Variants in ACOXL observed in about 807,000 individuals in gnomAD.
ACOXL encodes acyl-CoA oxidase like, also known as acyl-coenzyme A oxidase-like protein.
ACOXL carries 70 observed loss-of-function variants against 71.9 expected under a neutral mutation model. The observed-to-expected ratio is 0.97, with a 90% CI of 0.80 to 1.19. The LOEUF (loss-of-function observed/expected upper bound fraction) is 1.19, where lower values mean the gene tolerates loss of function less well. ACOXL is among the 50% of genes most tolerant of loss of function. The pLI is 0.00. For missense variants in ACOXL, 703 were observed against 736.3 expected (o/e 0.95, Z 0.52); for synonymous variants, 253 against 281.6 (o/e 0.90, Z 1.02).
chr2:111,068,226 A>AG (rs2149913493), intron 16 of ACOXL, among the ~76,000 whole-genome samples: 1 of 152,322 alleles, frequency 6.6e-6, no homozygotes, highest in Admixed American at 6.5e-5. Flanking sequence ...GCTGAGGAAC[A>AG]GCATGTGCAG....
At chr2:111,057,044 C>T (rs752650277) in intron 16 of ACOXL, among the ~76,000 whole-genome samples, 1 of 152,132 alleles carries the variant, frequency 6.6e-6, no homozygotes, top group Non-Finnish European at 1.5e-5. Context: ...GGGCTAAGTG[C>T]CGAGAGCAAA....
At chr2:110,782,356 A>G (rs1420935023) in intron 2 of ACOXL, among the ~76,000 whole-genome samples, 2 of 152,238 alleles carry the variant, frequency 1.3e-5, no homozygotes, top group African/African-American at 4.8e-5. Context: ...TAAAATAAGA[A>G]TTGAAGAAGA....
chr2:110,886,844 GGA>G (rs1697357673), intron 10 of ACOXL: 2 of 1,550,760 alleles, frequency 1.3e-6, no homozygotes, highest in Non-Finnish European at 1.7e-6. Context: ...CCCCTCTTGT[GGA>G]CCAGGCTAAT....
At chr2:111,109,023 T>A (rs556991470) in intron 17 of ACOXL, among the ~76,000 whole-genome samples, 1 of 152,336 alleles carries the variant, frequency 6.6e-6, no homozygotes, top group Non-Finnish European at 1.5e-5. Flanking sequence ...TCCTCCCAAA[T>A]GCTCATCTCT....
intron 13 of ACOXL, among the ~76,000 whole-genome samples, chr2:110,989,864 A>G (rs13014877): frequency 0.014 from 2,072 of 152,192 alleles, 19 homozygotes; most frequent in South Asian, 0.023. Context: ...AACATGGTGA[A>G]ACCCCGTCTC....
intron 10 of ACOXL, among the ~76,000 whole-genome samples, chr2:110,855,733 G>A (rs1377343351): frequency 2.0e-5 from 3 of 152,198 alleles, no homozygotes; most frequent in Non-Finnish European, 2.9e-5. Flanking sequence ...TGTGTCCGGA[G>A]TTGGTTTCTG....
At chr2:110,931,736 A>G (rs1312426904) in intron 11 of ACOXL, among the ~76,000 whole-genome samples, 1 of 152,224 alleles carries the variant, frequency 6.6e-6, no homozygotes, top group Non-Finnish European at 1.5e-5. Flanking sequence ...CATTACATAT[A>G]CACTAGAATG....
chr2:110,949,730 C>A (rs1178359302), intron 12 of ACOXL, among the ~76,000 whole-genome samples: 4 of 152,134 alleles, frequency 2.6e-5, no homozygotes, highest in African/African-American at 9.7e-5. Flanking sequence ...TAGATGCTGC[C>A]ACCTTTAATC....
intron 1 of ACOXL, among the ~76,000 whole-genome samples, chr2:110,761,064 A>G (rs1680339371): frequency 6.6e-6 from 1 of 152,098 alleles, no homozygotes; most frequent in African/African-American, 2.4e-5. Flanking sequence ...GTTCCTTTCC[A>G]ATTTTGATTT....
At chr2:110,912,277 T>A (rs182190111) in intron 11 of ACOXL, among the ~76,000 whole-genome samples, 9 of 152,122 alleles carry the variant, frequency 5.9e-5, no homozygotes, top group African/African-American at 1.7e-4. Context: ...GATCCTAAAA[T>A]TTATGGAAAT....
chr2:111,063,234 C>G (rs2066903387), intron 16 of ACOXL, among the ~76,000 whole-genome samples: 1 of 152,068 alleles, frequency 6.6e-6, no homozygotes, highest in Non-Finnish European at 1.5e-5. Context: ...ACAATATTTT[C>G]CATAATGTAG....
intron 16 of ACOXL, among the ~76,000 whole-genome samples, chr2:111,075,880 T>G (rs2067576342): frequency 6.6e-6 from 1 of 152,176 alleles, no homozygotes; most frequent in African/African-American, 2.4e-5. Flanking sequence ...GAATTTGTCC[T>G]GTTCTCTTTA....
intron 9 of ACOXL, among the ~76,000 whole-genome samples, chr2:110,818,067 C>T (rs954521904): frequency 4.0e-5 from 6 of 151,024 alleles, no homozygotes; most frequent in East Asian, 2.0e-4. Context: ...AAGATAATTC[C>T]GAGCATCAAA....
intron 9 of ACOXL, among the ~76,000 whole-genome samples, chr2:110,817,443 A>C (rs894295720): frequency 6.6e-6 from 1 of 152,166 alleles, no homozygotes; most frequent in African/African-American, 2.4e-5. Context: ...CTTGCGAAAG[A>C]CCCTTCATCT....
chr2:110,849,642 C>T lies in ACOXL; in HGVS notation c.788+8237C>T, dbSNP rs1692356760. 3.3e-5 allele frequency among the ~76,000 whole-genome samples: 5 copies of T among 152,226 alleles called. No individual in the cohort carries two copies. In the South Asian group the frequency reaches 1.0e-3, roughly 32 times the overall value. Reference sequence around the variant, plus strand: ...GCGTGGTGGCACGTGCTTGTAATCCCAGCTACTCAAGAGGCTGAGGCAGGA... The same window carrying T: ...GCGTGGTGGCACGTGCTTGTAATCCTAGCTACTCAAGAGGCTGAGGCAGGA... On this transcript the variant is annotated intron_variant, in intron 10 of 17. Transcript: ENST00000439055.
At chr2:110,960,230 C>G (rs551295969) in intron 12 of ACOXL, among the ~76,000 whole-genome samples, 1 of 152,286 alleles carries the variant, frequency 6.6e-6, no homozygotes, top group South Asian at 2.1e-4. Context: ...TGAACCCAAG[C>G]AAGGTTCAGG....
At chr2:111,029,031 C>T (rs1201688242) in intron 14 of ACOXL, among the ~76,000 whole-genome samples, 1 of 152,182 alleles carries the variant, frequency 6.6e-6, no homozygotes. Context: ...TTCTGTGTTG[C>T]AATTTCCTAC....
intron 1 of ACOXL, among the ~76,000 whole-genome samples, chr2:110,761,292 C>T (rs1317860505): frequency 1.3e-5 from 2 of 152,072 alleles, no homozygotes; most frequent in Non-Finnish European, 2.9e-5. Context: ...GTAGCAATTG[C>T]TGTTGACACC....
intron 11 of ACOXL, among the ~76,000 whole-genome samples, chr2:110,917,612 T>G (rs1293015841): frequency 1.3e-5 from 2 of 152,238 alleles, no homozygotes; most frequent in Non-Finnish European, 2.9e-5. Flanking sequence ...GGAAGTCAAA[T>G]TGTCCCTGTT....
Sources: allele counts gnomAD v4.1 joint callset (sites outside exome capture counted in the v4.1 genomes callset), GRCh38; gene constraint gnomAD v4.1.1; transcripts MANE v1.5; gene names NCBI Gene and HGNC (gene_info 2026-07-23, HGNC 2026-07-21).